ANK1: variants seen among roughly 807,000 people sequenced by gnomAD.
The protein encoded by ANK1 is ankyrin 1.
In ANK1, 51 loss-of-function variants were observed where a neutral mutation model predicts 210.4. The observed-to-expected ratio is 0.24, with a 90% CI of 0.19 to 0.31. ANK1 has a LOEUF of 0.31. ANK1 is among the 10% of genes least tolerant of loss of function. The probability of loss-of-function intolerance (pLI) is 1.00; values close to 1 mark genes in which losing one functional copy is unlikely to be tolerated. For missense variants in ANK1, 2,051 were observed against 2,504.4 expected, an observed-to-expected ratio of 0.82 and a Z score of 3.86; for synonymous variants, 967 against 1,025.9, an observed-to-expected ratio of 0.94 and a Z score of 1.10.
chr8:41,696,554 A>G lies in ANK1; in HGVS notation c.2769T>C (p.Gly923=). 6.2e-7 allele frequency: 1 copy of G among 1,613,526 alleles called. No individual in the cohort carries two copies. Among genetic ancestry groups the G allele is most frequent in the Non-Finnish European group, 8.5e-7 (1 of 1,179,944 alleles). The change falls in exon 26 of 43, where the codon GGT becomes GGC. Residue 923 remains glycine, a synonymous_variant. Coordinates refer to ENST00000289734, the MANE Select transcript of ANK1 (RefSeq NM_000037.4). ...FLVSFMVDAR[G]GSMRGSRHNG... is the part of the protein sequence containing the mutation. ...TGTGGCGACTTCCTCTCATGGAACC[A>G]CCCCGGGCGTCAACCATGAAGCTCA...
intron 1 of ANK1, among the ~76,000 whole-genome samples, chr8:41,831,529 T>C (rs1806606020): frequency 6.6e-6 from 1 of 151,780 alleles, no homozygotes; most frequent in East Asian, 1.9e-4. Flanking sequence ...ATGCCTGTAG[T>C]TCCAGCTACT....
chr8:41,867,820 C>T (rs1052711549), intron 1 of ANK1, among the ~76,000 whole-genome samples: 3 of 152,154 alleles, frequency 2.0e-5, no homozygotes, highest in African/African-American at 7.2e-5. Context: ...CAAAGCTCTG[C>T]AAATATTTTT....
intron 16 of ANK1, among the ~76,000 whole-genome samples, chr8:41,709,329 T>C (rs1825539880): frequency 6.6e-6 from 1 of 152,232 alleles, no homozygotes; most frequent in Admixed American, 6.5e-5. Flanking sequence ...AAATATTTCA[T>C]AAAGAAAAAG....
intron 1 of ANK1, among the ~76,000 whole-genome samples, chr8:41,785,025 GCTT>G (rs1267332247): frequency 6.6e-6 from 1 of 152,058 alleles, no homozygotes; most frequent in Non-Finnish European, 1.5e-5. Context: ...TCGAGCCCCG[GCTT>G]CTCCTCTTGA....
intron 18 of ANK1, among the ~76,000 whole-genome samples, chr8:41,705,130 C>T (rs1370682739): frequency 6.6e-6 from 1 of 152,214 alleles, no homozygotes; most frequent in African/African-American, 2.4e-5. Context: ...GGAGTCTGTC[C>T]TGCTGAATTT....
chr8:41,664,726 T>C (rs1809798356), intron 39 of ANK1: 2 of 1,401,552 alleles, frequency 1.4e-6, no homozygotes, highest in Admixed American at 2.0e-5. Context: ...GGTCCGGAGC[T>C]CCCCACAGCA....
intron 1 of ANK1, among the ~76,000 whole-genome samples, chr8:41,869,287 T>G (rs1386151410): frequency 6.6e-6 from 1 of 151,872 alleles, no homozygotes; most frequent in Non-Finnish European, 1.5e-5. Context: ...GGGAAGAGAG[T>G]GCTCCTTGAA....
chr8:41,801,711 G>C (rs1476504047), upstream of ANK1, among the ~76,000 whole-genome samples: 1 of 152,032 alleles, frequency 6.6e-6, no homozygotes, highest in Non-Finnish European at 1.5e-5. Context: ...CTGTTATGTT[G>C]TTTGTCTTTT....
intron 1 of ANK1, among the ~76,000 whole-genome samples, chr8:41,827,728 ACACATC>A (rs1805663772): frequency 1.1e-5 from 1 of 87,948 alleles, no homozygotes; most frequent in Admixed American, 1.2e-4. Context: ...TCACACTCAC[ACACATC>A]CACACACGCA....
chr8:41,827,785 CCACACACATGCACACTCA>C (rs1563857705), intron 1 of ANK1, among the ~76,000 whole-genome samples: 1 of 147,460 alleles, frequency 6.8e-6, no homozygotes, highest in Non-Finnish European at 1.5e-5. Context: ...ATGCTCACGC[CCACACACATGCACACTCA>C]CGCACACACC....
chr8:41,711,532 C>T (rs1826123229), intron 16 of ANK1, among the ~76,000 whole-genome samples: 1 of 152,204 alleles, frequency 6.6e-6, no homozygotes, highest in Admixed American at 6.5e-5. Flanking sequence ...GAGTCACATG[C>T]CCCCTGGAGG....
At chr8:41,780,710 G>A (rs907872334) in intron 1 of ANK1, among the ~76,000 whole-genome samples, 1 of 152,220 alleles carries the variant, frequency 6.6e-6, no homozygotes, top group African/African-American at 2.4e-5. Flanking sequence ...GTGTGCACGT[G>A]TGCCTGTGTG....
Position 41,714,960 on chromosome 8 carries a change from C to G in ANK1, c.1701+16G>C. The G allele has an allele frequency of 6.2e-7, 1 of 1,613,652 alleles. No homozygotes were observed. Among genetic ancestry groups the G allele is most frequent in the Non-Finnish European group, 8.5e-7 (1 of 1,179,524 alleles). On this transcript the variant is annotated intron_variant, in intron 15 of 42. Transcript: ENST00000289734. Reference sequence around the variant, plus strand: ...CTAACCTGAGAGCTGCAGGGGAGGGCAGGGTTCAAACTCACTTTTCCGGCA... The same window carrying G: ...CTAACCTGAGAGCTGCAGGGGAGGGGAGGGTTCAAACTCACTTTTCCGGCA...
intron 38 of ANK1, among the ~76,000 whole-genome samples, chr8:41,670,586 G>GA (rs1449634057): frequency 6.6e-6 from 1 of 152,012 alleles, no homozygotes; most frequent in African/African-American, 2.4e-5. Flanking sequence ...ATTTGTGTAG[G>GA]AAAAAAAATT....
chr8:41,779,854 G>T (rs13264191), intron 1 of ANK1, among the ~76,000 whole-genome samples: 1 of 151,938 alleles, frequency 6.6e-6, no homozygotes, highest in Non-Finnish European at 1.5e-5. Flanking sequence ...GCCACCGCAA[G>T]CATTCTGCTT....
chr8:41,760,964 T>C (rs943648098), intron 1 of ANK1, among the ~76,000 whole-genome samples: 1 of 144,956 alleles, frequency 6.9e-6, no homozygotes, highest in Non-Finnish European at 1.6e-5. Flanking sequence ...CACACTCTTA[T>C]CCCTGGAACC....
Position 41,718,127 on chromosome 8 carries a change from G to A in ANK1, c.1185C>T (p.Ala395=). 1.2e-6 allele frequency: 2 copies of A among 1,613,988 alleles called. No individual in the cohort carries two copies. The highest frequency in any genetic ancestry group is 1.1e-5 in the South Asian group (1 of 91,072). ...RVMELLLKTG[A]SIDAVTESGL... ...CTACCTCGGTGACCGCGTCGATCGA[G>A]GCTCCCGTCTTCAGCAGCAGCTCCA... Residue 395 remains alanine, a synonymous_variant, in exon 11 of 43, where the codon GCC becomes GCT. Transcript: ENST00000289734.
intron 1 of ANK1, among the ~76,000 whole-genome samples, chr8:41,795,174 C>T (rs1353942920): frequency 1.3e-5 from 2 of 152,178 alleles, no homozygotes; most frequent in Non-Finnish European, 2.9e-5. Flanking sequence ...TTTGCAGAGA[C>T]ACTGGCAGAA....
intron 1 of ANK1, among the ~76,000 whole-genome samples, chr8:41,851,138 T>A (rs1302247914): frequency 6.6e-6 from 1 of 152,244 alleles, no homozygotes; most frequent in Non-Finnish European, 1.5e-5. Flanking sequence ...TAGAGATCAA[T>A]ACTGGAGCTG....
Sources: gnomAD v4.1 joint callset for allele counts (sites outside exome capture counted in the v4.1 genomes callset) on GRCh38, gnomAD v4.1.1 for gene constraint, MANE v1.5 for transcripts, NCBI Gene and HGNC (gene_info 2026-07-23, HGNC 2026-07-21) for gene names.